The following TRAPPC9 variants were observed in gnomAD, a reference collection of about 807,000 sequenced individuals.
TRAPPC9 encodes IKK2 binding protein.
In TRAPPC9, 83 loss-of-function variants were observed where a neutral mutation model predicts 124.0. That is an observed-to-expected ratio of 0.67 (90% CI 0.56 to 0.80). The LOEUF is 0.80. TRAPPC9 is among the 30% of genes least tolerant of loss of function. The pLI is 0.00. For synonymous variants in TRAPPC9, 638 were observed against 617.5 expected, an observed-to-expected ratio of 1.03 and a Z score of -0.49; for missense variants, 1,302 against 1,508.3, an observed-to-expected ratio of 0.86 and a Z score of 2.27.
chr8:140,061,617 C>A (rs1318513811), intron 17 of TRAPPC9, among the ~76,000 whole-genome samples: 1 of 152,204 alleles, frequency 6.6e-6, no homozygotes, highest in Non-Finnish European at 1.5e-5. Flanking sequence ...GACAGGCTGT[C>A]TGAGCTGGGC....
rs1056450319 is a variant in TRAPPC9, at chr8:140,017,913, G to A, written c.2699+6024C>T. On this transcript the variant is annotated intron_variant, in intron 18 of 22. Coordinates refer to ENST00000438773, the MANE Select transcript of TRAPPC9 (RefSeq NM_001160372.4). ...GGCTGGAGTGCAGTGGTATAATCTC[G>A]GCTGACTACAACTTCCACCTCCTGG... Among the ~76,000 whole-genome samples the A allele has an allele frequency of 7.2e-5, 11 of 151,874 alleles. No homozygotes were observed. In the South Asian group the frequency reaches 8.3e-4, roughly 11 times the overall value.
At chr8:140,207,393 C>T (rs559630009) in intron 17 of TRAPPC9, among the ~76,000 whole-genome samples, 1 of 152,276 alleles carries the variant, frequency 6.6e-6, no homozygotes, top group East Asian at 1.9e-4. Flanking sequence ...TTTTTAGAAA[C>T]TAATAATGTC....
chr8:140,291,337 C>T lies in TRAPPC9; in HGVS notation c.1769-259G>A, dbSNP rs536860160. The T allele has an allele frequency of 6.7e-5, 37 of 548,228 alleles. 1 individual carries two copies. The East Asian group carries it at 1.2e-3, about 18-fold the overall frequency. 34.0% of individuals were successfully genotyped at this position (548,228 alleles called of 1,614,324 possible). On this transcript the variant is annotated intron_variant, in intron 11 of 22. Transcript: ENST00000438773. ...CGGCGGGCTGCATTCATGCTGGCATCAGTCCAGATGGCACTGTTCTTGGTA... is the reference window on the plus strand; with the variant it reads ...CGGCGGGCTGCATTCATGCTGGCATTAGTCCAGATGGCACTGTTCTTGGTA...
chr8:140,428,327 T>A (rs1564017630), intron 4 of TRAPPC9, among the ~76,000 whole-genome samples: 1 of 152,184 alleles, frequency 6.6e-6, no homozygotes. Context: ...ACTATTAATG[T>A]AACGGGAGAC....
chr8:140,271,245 G>T (rs1280741471), intron 15 of TRAPPC9, among the ~76,000 whole-genome samples: 1 of 152,178 alleles, frequency 6.6e-6, no homozygotes, highest in Non-Finnish European at 1.5e-5. Flanking sequence ...GGTCCCAAAA[G>T]GAGGGTGGGT....
At chr8:140,114,095 G>A (rs181422477) in intron 17 of TRAPPC9, among the ~76,000 whole-genome samples, 3 of 152,272 alleles carry the variant, frequency 2.0e-5, no homozygotes, top group Non-Finnish European at 2.9e-5. Flanking sequence ...TGCACCTCCA[G>A]TAGCATAGCT....
intron 21 of TRAPPC9, among the ~76,000 whole-genome samples, chr8:139,789,480 G>C (rs916353077): frequency 6.6e-6 from 1 of 152,110 alleles, no homozygotes; most frequent in African/African-American, 2.4e-5. Context: ...TCCCCCCCCA[G>C]GATATCTACA....
chr8:140,127,907 G>T (rs185552354), intron 17 of TRAPPC9, among the ~76,000 whole-genome samples: 1 of 152,346 alleles, frequency 6.6e-6, no homozygotes, highest in Admixed American at 6.5e-5. Context: ...AGATTAACCT[G>T]AAGTCATAAA....
intron 17 of TRAPPC9, among the ~76,000 whole-genome samples, chr8:140,198,894 C>A (rs532197363): frequency 2.0e-4 from 30 of 152,324 alleles, no homozygotes; most frequent in African/African-American, 7.0e-4. Flanking sequence ...TATTTATTAG[C>A]ACATTCAACG....
intron 17 of TRAPPC9, among the ~76,000 whole-genome samples, chr8:140,024,554 C>T (rs1303129226): frequency 3.3e-5 from 5 of 152,112 alleles, no homozygotes; most frequent in African/African-American, 1.2e-4. Context: ...CACACCACCA[C>T]GCCTGGCTAA....
At chr8:140,301,199 C>T (rs761380332) in intron 10 of TRAPPC9, among the ~76,000 whole-genome samples, 1 of 152,236 alleles carries the variant, frequency 6.6e-6, no homozygotes, top group Non-Finnish European at 1.5e-5. Flanking sequence ...CTCTGCTCTA[C>T]TCGCATGCAG....
chr8:140,031,244 T>C (rs749479240), intron 17 of TRAPPC9, among the ~76,000 whole-genome samples: 1 of 152,194 alleles, frequency 6.6e-6, no homozygotes, highest in East Asian at 1.9e-4. Context: ...TAAAGCTTCA[T>C]GTGACCTGGG....
chr8:140,082,611 A>C (rs1391369178), intron 17 of TRAPPC9, among the ~76,000 whole-genome samples: 1 of 152,250 alleles, frequency 6.6e-6, no homozygotes, highest in Non-Finnish European at 1.5e-5. Flanking sequence ...ACTGCTTTGA[A>C]TAGCCTAGCC....
intron 17 of TRAPPC9, among the ~76,000 whole-genome samples, chr8:140,037,575 A>G (rs1840976016): frequency 6.6e-6 from 1 of 151,240 alleles, no homozygotes; most frequent in South Asian, 2.1e-4. Context: ...AACACATACC[A>G]CACACACACA....
chr8:140,173,005 CT>C lies in TRAPPC9; in HGVS notation c.2556+48453del, dbSNP rs2061995488. 3.3e-5 allele frequency among the ~76,000 whole-genome samples: 5 copies of C among 152,164 alleles called. No individual in the cohort carries two copies. In the South Asian group the frequency reaches 1.0e-3, roughly 32 times the overall value. On this transcript the variant is annotated intron_variant, in intron 17 of 22. Coordinates refer to ENST00000438773, the MANE Select transcript of TRAPPC9 (RefSeq NM_001160372.4). ...GCTGCACAATACCTGTGGTCAAAGC[CT>C]GAGATCATGGGGCCCTAAGCATGAG...
chr8:140,324,836 T>A (rs544693349), intron 9 of TRAPPC9, among the ~76,000 whole-genome samples: 1 of 151,944 alleles, frequency 6.6e-6, no homozygotes, highest in East Asian at 1.9e-4. Flanking sequence ...TAAGGAAGAT[T>A]TAAACAAACT....
At chr8:139,948,450 G>A (rs1254168660) in intron 19 of TRAPPC9, among the ~76,000 whole-genome samples, 1 of 152,202 alleles carries the variant, frequency 6.6e-6, no homozygotes, top group Non-Finnish European at 1.5e-5. Context: ...TAAGGCTAGA[G>A]GACATCTGGG....
intron 2 of TRAPPC9, among the ~76,000 whole-genome samples, chr8:140,445,925 C>G (rs2071236028): frequency 6.6e-6 from 1 of 152,132 alleles, no homozygotes; most frequent in Non-Finnish European, 1.5e-5. Flanking sequence ...GCAGGGCTGC[C>G]CTTGGTGTTG....
At chr8:140,351,044 G>A (rs2067553829) in intron 9 of TRAPPC9, among the ~76,000 whole-genome samples, 1 of 151,738 alleles carries the variant, frequency 6.6e-6, no homozygotes, top group African/African-American at 2.4e-5. Flanking sequence ...GAAGCAGGCT[G>A]GCTGGGCCTC....
Sources: gnomAD v4.1 joint callset for allele counts (sites outside exome capture counted in the v4.1 genomes callset) on GRCh38, gnomAD v4.1.1 for gene constraint, MANE v1.5 for transcripts, NCBI Gene and HGNC (gene_info 2026-07-23, HGNC 2026-07-21) for gene names.